Variants in AHNAK2 observed in about 807,000 individuals in gnomAD.
AHNAK2 encodes AHNAK nucleoprotein 2.
Under a neutral mutation model 30.7 loss-of-function variants are expected in AHNAK2, and 18 were observed. That is an observed-to-expected ratio of 0.59 (90% confidence interval 0.41 to 0.87). The LOEUF is 0.87. AHNAK2 is among the 40% of genes least tolerant of loss of function. The probability of loss-of-function intolerance (pLI) is 0.00; values close to 1 mark genes in which losing one functional copy is unlikely to be tolerated. For missense variants in AHNAK2, 8,604 were observed against 7,373.0 expected, an observed-to-expected ratio of 1.17 and a Z score of -6.11; for synonymous variants, 3,590 against 3,073.8, an observed-to-expected ratio of 1.17 and a Z score of -5.56.
Position 104,952,001 on chromosome 14 carries a change from G to C in AHNAK2, c.3450C>G (p.Ser1150=), listed in dbSNP as rs756207357. The change falls in exon 7 of 7, where the codon TCC becomes TCG. Residue 1150 remains serine, a synonymous_variant. Transcript: ENST00000333244. ...TGGCAGTCACATCCTTGTCGGCCAGGGACAGTTCCCCCTCCAGCCGCGCAC... is the reference window on the plus strand; with the variant it reads ...TGGCAGTCACATCCTTGTCGGCCAGCGACAGTTCCCCCTCCAGCCGCGCAC... ...LDSARLEGEL[S]LADKDVTAKD... is the part of the protein sequence containing the mutation. 1.2e-6 allele frequency: 2 copies of C among 1,612,446 alleles called. No individual in the cohort carries two copies. Among genetic ancestry groups the C allele is most frequent in the South Asian group, 2.2e-5 (2 of 91,012 alleles).
In AHNAK2 at chr14:104,953,470, G is replaced by T. The variant is rs202107671; in HGVS notation, c.1981C>A (p.Gln661Lys). The T allele has an allele frequency of 4.5e-4, 727 of 1,613,844 alleles. No homozygotes were observed. Among genetic ancestry groups the T allele is most frequent in the Non-Finnish European group, 5.8e-4 (688 of 1,179,888 alleles). The change falls in exon 7 of 7, where the codon CAA becomes AAA. Residue 661 changes from glutamine (Q) to lysine (K), a missense_variant. By Grantham distance (53) the Gln-to-Lys change is moderately conservative. Coordinates refer to ENST00000333244, the MANE Select transcript of AHNAK2 (RefSeq NM_138420.4). Reference sequence around the variant, plus strand: ...GCCACTTCCTTTTCTGTCAGAATTTGTTCCTTTTTTAAGCGTTTTTCATCG... The same window carrying T: ...GCCACTTCCTTTTCTGTCAGAATTTTTTCCTTTTTTAAGCGTTTTTCATCG... The part of the protein sequence containing the change: ...IHDEKRLKKE[Q>K]ILTEKEVATK...
Position 104,948,268 on chromosome 14 carries a change from C to T in AHNAK2, c.7183G>A (p.Ala2395Thr). 6.2e-7 allele frequency: 1 copy of T among 1,612,576 alleles called. No individual in the cohort carries two copies. The part of the protein sequence containing the change: ...KLPEGPVPEG[A>T]GLKGHLPKLQ... ...TTGGGCAGGTGCCCTTTGAGGCCGG[C>T]TCCCTCCGGCACGGGGCCCTCTGGG... Residue 2395 changes from alanine to threonine, a missense_variant, in exon 7 of 7, where the codon GCC (alanine) becomes ACC (threonine). By Grantham distance (58) the Ala-to-Thr change is moderately conservative. Coordinates refer to ENST00000333244, the MANE Select transcript of AHNAK2 (RefSeq NM_138420.4).
Position 104,937,817 on chromosome 14 carries a change from T to A in AHNAK2, c.*246A>T, listed in dbSNP as rs1897849027. On this transcript the variant is annotated 3_prime_UTR_variant, in exon 7 of 7. Coordinates refer to ENST00000333244, the MANE Select transcript of AHNAK2 (RefSeq NM_138420.4). ...CCTCTGAGTACCGTGTGAATTCTGG[T>A]GTCTTGTGGAAGTCAGGGTGCCTTC... 1 of 472,114 alleles carries A rather than the reference T, an allele frequency of 2.1e-6. No homozygotes were observed. The highest frequency in any genetic ancestry group is 3.3e-5 in the East Asian group (1 of 30,256). 29.2% of individuals were successfully genotyped at this position (472,114 alleles called of 1,614,324 possible). A position where few individuals can be genotyped will look rare whatever the true frequency, so the allele number is the denominator to read the frequency against.
intron 1 of AHNAK2, among the ~76,000 whole-genome samples, chr14:104,959,606 T>C (rs1049234663): frequency 2.0e-5 from 3 of 152,174 alleles, no homozygotes; most frequent in African/African-American, 7.2e-5. Context: ...CACTTCACTC[T>C]AGTCAGGCAG....
intron 1 of AHNAK2, among the ~76,000 whole-genome samples, chr14:104,958,372 T>C (rs1269638530): frequency 6.6e-6 from 1 of 152,026 alleles, no homozygotes; most frequent in Non-Finnish European, 1.5e-5. Context: ...CACTTGAACC[T>C]GGGAGGCGGA....
chr14:104,947,669 G>T lies in AHNAK2; in HGVS notation c.7782C>A (p.Asp2594Glu), dbSNP rs1898366386. ...PQLDVKGPKL[D>E]LKGPKAEVTA... Reference sequence around the variant, plus strand: ...TCACTTCCGCCTTGGGGCCTTTCAGGTCCAGCTTGGGGCCCTTGACATCTA... The same window carrying T: ...TCACTTCCGCCTTGGGGCCTTTCAGTTCCAGCTTGGGGCCCTTGACATCTA... The change falls in exon 7 of 7, where the codon GAC (aspartate) becomes GAA (glutamate). Residue 2594 changes from aspartate to glutamate, a missense_variant. Physicochemically the swap from Asp to Glu is conservative, Grantham distance 45. Transcript: ENST00000333244. 6.2e-7 allele frequency: 1 copy of T among 1,612,874 alleles called. No individual in the cohort carries two copies. Among genetic ancestry groups the T allele is most frequent in the Admixed American group, 1.7e-5 (1 of 59,898 alleles).
rs769433634 is a variant in AHNAK2 at position 104,954,129 on chromosome 14, T to C, written c.1322A>G (p.Gln441Arg). ...TAVAQRKPRAQPTPGMSREGE... is the reference protein window; with the variant it reads ...TAVAQRKPRARPTPGMSREGE... Reference sequence around the variant, plus strand: ...CTCCCGGCTCATTCCAGGAGTTGGCTGGGCCCTGGGCTTCCTCTGGGCCAC... The same window carrying C: ...CTCCCGGCTCATTCCAGGAGTTGGCCGGGCCCTGGGCTTCCTCTGGGCCAC... The change falls in exon 7 of 7, where the codon CAG becomes CGG. Residue 441 changes from glutamine to arginine, a missense_variant. Gln to Arg is a conservative substitution (Grantham distance 43). Coordinates refer to ENST00000333244, the MANE Select transcript of AHNAK2 (RefSeq NM_138420.4). The surrounding 1 kb of genome is among the most constrained non-coding windows in gnomAD (Gnocchi z 4.3). The C allele has an allele frequency of 6.2e-7, 1 of 1,611,624 alleles. No individual in the cohort carries two copies. Among genetic ancestry groups the C allele is most frequent in the East Asian group, 2.2e-5 (1 of 44,888 alleles).
chr14:104,963,926 T>C (rs992229526), intron 1 of AHNAK2, among the ~76,000 whole-genome samples: 73 of 152,010 alleles, frequency 4.8e-4, no homozygotes, highest in African/African-American at 1.6e-3. Context: ...TAAATTAGTA[T>C]AGCCATGATA....
intron 1 of AHNAK2, among the ~76,000 whole-genome samples, chr14:104,963,834 AAAAAAAG>A (rs1899223896): frequency 6.6e-6 from 1 of 151,248 alleles, no homozygotes; most frequent in African/African-American, 2.5e-5. Flanking sequence ...CGTCTAAAAA[AAAAAAAG>A]AAAAAAAAAA....
At chr14:104,964,108 C>T (rs1206594995) in intron 1 of AHNAK2, among the ~76,000 whole-genome samples, 1 of 152,186 alleles carries the variant, frequency 6.6e-6, no homozygotes, top group Non-Finnish European at 1.5e-5. Flanking sequence ...AAGCAAAGGC[C>T]TCCAACCCAG....
chr14:104,951,920 G>T lies in AHNAK2; in HGVS notation c.3531C>A (p.Ala1177=), dbSNP rs1338268600. ...KFKMPSFGAS[A]PGKSIEASVD... is the part of the protein sequence containing the mutation. ...CCGAGGCCTCGATGGACTTGCCTGG[G>T]GCTGACGCCCCGAACGATGGCATCT... is the stretch of plus-strand genomic sequence containing the variant. Residue 1177 remains alanine, a synonymous_variant, in exon 7 of 7, where the codon GCC becomes GCA. Transcript: ENST00000333244. 3 of 1,609,776 alleles carry T rather than the reference G, an allele frequency of 1.9e-6. No individual in the cohort carries two copies. The highest frequency in any genetic ancestry group is 1.4e-5 in the African/African-American group (1 of 73,788).
At chr14:104,963,229 TC>T (rs1899200597) in intron 1 of AHNAK2, among the ~76,000 whole-genome samples, 1 of 152,160 alleles carries the variant, frequency 6.6e-6, no homozygotes, top group East Asian at 1.9e-4. Context: ...CTCAACATTT[TC>T]AGTCATCAGG....
Position 104,948,850 on chromosome 14 carries a change from G to C in AHNAK2, c.6601C>G (p.Leu2201Val), listed in dbSNP as rs768158999. The C allele has an allele frequency of 1.2e-6, 2 of 1,611,912 alleles. No homozygotes were observed. Among genetic ancestry groups the C allele is most frequent in the Non-Finnish European group, 1.7e-6 (2 of 1,179,244 alleles). Residue 2201 changes from leucine (L) to valine (V), a missense_variant, in exon 7 of 7, where the codon CTC (leucine) becomes GTC (valine). Transcript: ENST00000333244. ...SMQGDLKTTDLSIQPLSADVK... is the reference protein window; with the variant it reads ...SMQGDLKTTDVSIQPLSADVK... ...TCGGCGGAAAGGGGCTGAATGCTGAGGTCAGTGGTCTTGAGGTCCCCCTGC... is the reference window on the plus strand; with the variant it reads ...TCGGCGGAAAGGGGCTGAATGCTGACGTCAGTGGTCTTGAGGTCCCCCTGC...
At position 104,939,468 on chromosome 14, in the gene AHNAK2, G is replaced by T; in HGVS notation, c.15983C>A (p.Thr5328Asn). The change falls in exon 7 of 7, where the codon ACT (threonine) becomes AAT (asparagine). Residue 5328 changes from threonine (T) to asparagine (N), a missense_variant. Thr to Asn is a moderately conservative substitution (Grantham distance 65). Transcript: ENST00000333244. ...TQVLPGEIDETPLSKPGHDLA... is the reference protein window; with the variant it reads ...TQVLPGEIDENPLSKPGHDLA... ...GTCATGTCCTGGCTTGGAAAGAGGA[G>T]TCTCATCTATTTCTCCTGGAAGAAC... The T allele has an allele frequency of 6.2e-7, 1 of 1,613,468 alleles. No homozygotes were observed. Among genetic ancestry groups the T allele is most frequent in the Non-Finnish European group, 8.5e-7 (1 of 1,179,792 alleles).
chr14:104,972,678 G>A (rs982853413), intron 1 of AHNAK2, among the ~76,000 whole-genome samples: 18 of 152,166 alleles, frequency 1.2e-4, no homozygotes, highest in African/African-American at 2.4e-5. Context: ...TCTCCTCCTG[G>A]TGCACCCTCC....
At chr14:104,977,721 G>A (rs986262295) in intron 1 of AHNAK2, among the ~76,000 whole-genome samples, 1 of 152,204 alleles carries the variant, frequency 6.6e-6, no homozygotes, top group Non-Finnish European at 1.5e-5. Flanking sequence ...CAAGCCTGGT[G>A]CAGGTGCCCC....
In AHNAK2 at chr14:104,955,600, T is replaced by C; in HGVS notation, c.349A>G (p.Thr117Ala). The C allele has an allele frequency of 1.2e-6, 2 of 1,613,648 alleles. No individual in the cohort carries two copies. Among genetic ancestry groups the C allele is most frequent in the Non-Finnish European group, 1.7e-6 (2 of 1,179,794 alleles). The change falls in exon 5 of 7, where the codon ACA becomes GCA. Residue 117 changes from threonine (T) to alanine (A), a missense_variant. Thr to Ala is a moderately conservative substitution (Grantham distance 58). Transcript: ENST00000333244. The stretch of plus-strand genomic sequence containing the variant: ...CCACTGGCTCCTGCCTCCACCTCTG[T>C]CTTCAGCGTCACCTCTGTTGCCTCC... Reference protein sequence around the residue: ...VQEATEVTLKTEVEAGASGYS... With the variant: ...VQEATEVTLKAEVEAGASGYS...
intron 1 of AHNAK2, among the ~76,000 whole-genome samples, chr14:104,976,516 C>T (rs533997689): frequency 9.9e-5 from 15 of 152,230 alleles, no homozygotes; most frequent in Admixed American, 3.3e-4. Context: ...GTTCCTGGGC[C>T]GCAGGGTTGG....
At position 104,948,171 on chromosome 14, in the gene AHNAK2, T is replaced by A; in HGVS notation, c.7280A>T (p.Lys2427Met). 6.2e-7 allele frequency: 1 copy of A among 1,612,688 alleles called. No individual in the cohort carries two copies. Among genetic ancestry groups the A allele is most frequent in the Non-Finnish European group, 8.5e-7 (1 of 1,179,582 alleles). ...KGPQIDVKGP[K>M]LDLKGPKTDV... ...CGTCTTGGGGCCTTTCAGGTCCAGC[T>A]TGGGGCCCTTGACATCTATCTGGGG... is the stretch of plus-strand genomic sequence containing the variant. The change falls in exon 7 of 7, where the codon AAG becomes ATG. Residue 2427 changes from lysine (K) to methionine (M), a missense_variant. By Grantham distance (95) the Lys-to-Met change is moderately conservative. Transcript: ENST00000333244.
Sources: allele counts gnomAD v4.1 joint callset (sites outside exome capture counted in the v4.1 genomes callset), GRCh38; gene constraint gnomAD v4.1.1; non-coding constraint Gnocchi (gnomAD v3.1); transcripts MANE v1.5; gene names NCBI Gene and HGNC (gene_info 2026-07-23, HGNC 2026-07-21).